CDC42BPA: variants seen among roughly 807,000 people sequenced by gnomAD.
CDC42BPA encodes the protein serine/threonine-protein kinase MRCK alpha.
CDC42BPA carries 80 observed loss-of-function variants against 223.5 expected under a neutral mutation model. That is an observed-to-expected ratio of 0.36 (90% CI 0.30 to 0.43). The LOEUF (loss-of-function observed/expected upper bound fraction) is 0.43, where lower values mean the gene tolerates loss of function less well. Ranked by LOEUF, CDC42BPA falls within the 20% of genes least tolerant of loss-of-function variation. The pLI is 1.00. For synonymous variants in CDC42BPA, 694 were observed against 718.6 expected (o/e 0.97, Z 0.55); for missense variants, 1,743 against 2,099.9 (o/e 0.83, Z 3.32).
At chr1:227,182,259 A>C (rs1204048455) in intron 5 of CDC42BPA, among the ~76,000 whole-genome samples, 2 of 152,208 alleles carry the variant, frequency 1.3e-5, no homozygotes, top group African/African-American at 2.4e-5. Context: ...ACATGTTAAT[A>C]ACACCCAAAA....
chr1:227,281,236 G>A (rs974989647), intron 1 of CDC42BPA, among the ~76,000 whole-genome samples: 5 of 152,174 alleles, frequency 3.3e-5, no homozygotes, highest in Admixed American at 2.6e-4. Flanking sequence ...TCATTAGAAC[G>A]CTTTCTCGTG....
intron 14 of CDC42BPA, among the ~76,000 whole-genome samples, chr1:227,102,500 A>C (rs1393398713): frequency 6.6e-6 from 1 of 152,092 alleles, no homozygotes; most frequent in African/African-American, 2.4e-5. Context: ...TTTTCTAACT[A>C]CTTAAAGAAA....
chr1:227,150,625 A>G (rs1453420338), intron 6 of CDC42BPA, among the ~76,000 whole-genome samples: 1 of 152,186 alleles, frequency 6.6e-6, no homozygotes, highest in Non-Finnish European at 1.5e-5. Flanking sequence ...AGAATGTGAT[A>G]CTAGAAGCAA....
intron 2 of CDC42BPA, among the ~76,000 whole-genome samples, chr1:227,241,725 AT>A (rs1195611535): frequency 6.6e-6 from 1 of 152,156 alleles, no homozygotes; most frequent in Non-Finnish European, 1.5e-5. Context: ...AATATTCTGT[AT>A]CTTGATAAGG....
At chr1:227,204,454 C>G (rs1389695335) in intron 3 of CDC42BPA, among the ~76,000 whole-genome samples, 2 of 152,070 alleles carry the variant, frequency 1.3e-5, no homozygotes, top group East Asian at 3.9e-4. Flanking sequence ...CAATAGCTAT[C>G]AAAGTTTTAA....
At chr1:227,210,644 T>C (rs953302614) in intron 3 of CDC42BPA, among the ~76,000 whole-genome samples, 8 of 152,332 alleles carry the variant, frequency 5.3e-5, no homozygotes, top group Admixed American at 6.5e-5. Context: ...TTCCCCAACA[T>C]ATCCAGCTTC....
At chr1:227,101,931 C>T (rs1199405237) in intron 14 of CDC42BPA, among the ~76,000 whole-genome samples, 4 of 152,072 alleles carry the variant, frequency 2.6e-5, no homozygotes, top group Admixed American at 2.6e-4. Context: ...CCAGGTACTG[C>T]CTAAAGGGTA....
intron 12 of CDC42BPA, among the ~76,000 whole-genome samples, chr1:227,114,355 C>T: frequency 6.6e-6 from 1 of 150,566 alleles, no homozygotes; most frequent in Non-Finnish European, 1.5e-5. Flanking sequence ...TTATATACCC[C>T]AAAAATTACT....
intron 22 of CDC42BPA, among the ~76,000 whole-genome samples, chr1:227,049,647 T>C (rs1256561000): frequency 2.6e-5 from 4 of 152,082 alleles, no homozygotes; most frequent in Non-Finnish European, 4.4e-5. Context: ...AGGAATTATT[T>C]TAGAGTGAAA....
intron 3 of CDC42BPA, among the ~76,000 whole-genome samples, chr1:227,205,430 A>C (rs1413808878): frequency 6.6e-6 from 1 of 151,890 alleles, no homozygotes; most frequent in Non-Finnish European, 1.5e-5. Flanking sequence ...AGCAATATGA[A>C]AAATCAGCCT....
At chr1:227,049,211 A>G (rs1384687601) in intron 22 of CDC42BPA, among the ~76,000 whole-genome samples, 3 of 152,164 alleles carry the variant, frequency 2.0e-5, no homozygotes, top group East Asian at 3.9e-4. Context: ...ATTTACATAG[A>G]AAGTCCAAAG....
intron 1 of CDC42BPA, among the ~76,000 whole-genome samples, chr1:227,287,591 TACCTTGTTGAATCTTCA>T (rs1342075702): frequency 6.6e-6 from 1 of 152,220 alleles, no homozygotes; most frequent in Non-Finnish European, 1.5e-5. Context: ...AATTACTTAA[TACCTTGTTGAATCTTCA>T]ACCTTGTTGA....
At chr1:227,017,902 G>C (rs1172224748) in intron 32 of CDC42BPA, among the ~76,000 whole-genome samples, 1 of 151,806 alleles carries the variant, frequency 6.6e-6, no homozygotes, top group African/African-American at 2.4e-5. Flanking sequence ...AGAAGGAGGA[G>C]GTGAGAAGAA....
At chr1:227,130,553 A>C (rs1656867901) in intron 10 of CDC42BPA, among the ~76,000 whole-genome samples, 1 of 152,146 alleles carries the variant, frequency 6.6e-6, no homozygotes, top group African/African-American at 2.4e-5. Flanking sequence ...GGAGACATAA[A>C]AATACCCAAT....
At chr1:227,201,296 C>A (rs1237243480) in intron 3 of CDC42BPA, among the ~76,000 whole-genome samples, 3 of 151,916 alleles carry the variant, frequency 2.0e-5, no homozygotes, top group Non-Finnish European at 4.4e-5. Flanking sequence ...CAGGTGCACA[C>A]CACTATGCCC....
chr1:227,233,000 G>A (rs988421142), intron 2 of CDC42BPA, among the ~76,000 whole-genome samples: 6 of 152,176 alleles, frequency 3.9e-5, no homozygotes, highest in Non-Finnish European at 5.9e-5. Context: ...CTTGCAGTTC[G>A]ATCTCAGACT....
At chr1:227,113,605 C>T (rs1687287667) in intron 12 of CDC42BPA, among the ~76,000 whole-genome samples, 1 of 151,704 alleles carries the variant, frequency 6.6e-6, no homozygotes, top group Non-Finnish European at 1.5e-5. Flanking sequence ...AAAATTGCTA[C>T]ATATGAAATA....
At chr1:227,011,702 T>A (rs1376765314) in intron 34 of CDC42BPA, among the ~76,000 whole-genome samples, 2 of 152,202 alleles carry the variant, frequency 1.3e-5, no homozygotes, top group Non-Finnish European at 2.9e-5. Flanking sequence ...GTATATTTTT[T>A]AAAAATGAAA....
At chr1:227,202,921 C>A (rs1174733704) in intron 3 of CDC42BPA, among the ~76,000 whole-genome samples, 2 of 152,128 alleles carry the variant, frequency 1.3e-5, no homozygotes, top group Non-Finnish European at 2.9e-5. Flanking sequence ...CAGAGCAAGA[C>A]TGTCTCTTCA....
Sources: allele counts gnomAD v4.1 joint callset (sites outside exome capture counted in the v4.1 genomes callset), GRCh38; gene constraint gnomAD v4.1.1; transcripts MANE v1.5; gene names NCBI Gene and HGNC (gene_info 2026-07-23, HGNC 2026-07-21).